The following RPTOR variants were observed in gnomAD, a reference collection of about 807,000 sequenced individuals.
The protein encoded by RPTOR is regulatory associated protein of MTOR complex 1.
RPTOR carries 21 observed loss-of-function variants against 169.9 expected under a neutral mutation model. The observed-to-expected ratio is 0.12, with a 90% CI of 0.09 to 0.18. The LOEUF is 0.18. Among genes scored for constraint, RPTOR ranks in the 10% least tolerant of loss-of-function variants. RPTOR has a pLI of 1.00. For synonymous variants in RPTOR, 732 were observed against 753.2 expected (o/e 0.97, Z 0.46); for missense variants, 1,133 against 1,855.9 (o/e 0.61, Z 7.16).
At chr17:80,847,992 C>T (rs554485988) in intron 11 of RPTOR, among the ~76,000 whole-genome samples, 2 of 152,380 alleles carry the variant, frequency 1.3e-5, no homozygotes, top group South Asian at 2.1e-4. Flanking sequence ...CAGCCAGCGT[C>T]GCAGGCGTGC....
Position 80,962,743 on chromosome 17 carries a change from A to G in RPTOR, c.3809+166A>G, listed in dbSNP as rs139842147. The stretch of plus-strand genomic sequence containing the variant: ...AGATGTCTGCCCACCACATCCTCCC[A>G]GGATAAACTCTCAGGGCCCTGCCAG... On this transcript the variant is annotated intron_variant, in intron 32 of 33. Coordinates refer to ENST00000306801, the MANE Select transcript of RPTOR (RefSeq NM_020761.3). Among the ~76,000 whole-genome samples the G allele has an allele frequency of 2.3e-3, 344 of 152,352 alleles. 2 individuals carry two copies. The highest frequency in any genetic ancestry group is 7.6e-3 in the African/African-American group (318 of 41,580).
chr17:80,951,334 A>G (rs1000597882), intron 28 of RPTOR, among the ~76,000 whole-genome samples: 4 of 152,186 alleles, frequency 2.6e-5, no homozygotes, highest in African/African-American at 4.8e-5. Context: ...CCCAGCTTAC[A>G]TATCAGGAAG....
rs188928349 is a variant in RPTOR, at chr17:80,551,484, A to G, written c.162+5693A>G. Among the ~76,000 whole-genome samples the G allele has an allele frequency of 8.0e-3, 1,223 of 152,240 alleles. 24 individuals are homozygous for G. The highest frequency in any genetic ancestry group is 0.028 in the African/African-American group (1,160 of 41,534). ...CAAACACGTGAACAAGGGTCTTTGC[A>G]TCATAGACAAGGTAAAGGATTAAGT... On this transcript the variant is annotated intron_variant, in intron 1 of 33. Transcript: ENST00000306801.
intron 1 of RPTOR, among the ~76,000 whole-genome samples, chr17:80,611,025 T>C (rs1239208985): frequency 1.3e-5 from 2 of 152,176 alleles, no homozygotes; most frequent in African/African-American, 4.8e-5. Flanking sequence ...TTTCAAGCAA[T>C]AGATTGCATT....
intron 4 of RPTOR, among the ~76,000 whole-genome samples, chr17:80,710,775 A>T (rs367609710): frequency 6.6e-6 from 1 of 152,170 alleles, no homozygotes; most frequent in Non-Finnish European, 1.5e-5. Context: ...TTTGTTTCAT[A>T]TATTAAATCT....
chr17:80,945,647 T>C lies in RPTOR; in HGVS notation c.3026-20T>C. The C allele has an allele frequency of 1.4e-6, 2 of 1,479,296 alleles. No homozygotes were observed. Among genetic ancestry groups the C allele is most frequent in the Non-Finnish European group, 9.4e-7 (1 of 1,063,766 alleles). The allele number at this position is 1,479,296 out of a possible 1,614,324, so 91.6% of individuals were successfully genotyped here. ...AAGATGCTGGCTCCTGGATCCACTC[T>C]TGTGTGTTTCTTTTGACAGGCATTA... On this transcript the variant is annotated intron_variant, in intron 25 of 33. Coordinates refer to ENST00000306801, the MANE Select transcript of RPTOR (RefSeq NM_020761.3).
chr17:80,775,263 T>C (rs1345511900), intron 6 of RPTOR, among the ~76,000 whole-genome samples: 2 of 152,222 alleles, frequency 1.3e-5, no homozygotes, highest in African/African-American at 2.4e-5. Flanking sequence ...CCCTTTGACT[T>C]GTTCTTAGTC....
intron 5 of RPTOR, among the ~76,000 whole-genome samples, chr17:80,734,703 G>C (rs1188197378): frequency 6.6e-6 from 1 of 152,104 alleles, no homozygotes; most frequent in East Asian, 1.9e-4. Context: ...ATGGGGAAGG[G>C]GCAGTGCTGG....
rs12949248 is a variant in RPTOR at position 80,585,202 on chromosome 17, A to T, written c.162+39411A>T. ...TATTATTATTATTATTATTATTATT[A>T]TTTTTGTTTTTTTTTTTCCTGAGAT... On this transcript the variant is annotated intron_variant, in intron 1 of 33. Coordinates refer to ENST00000306801, the MANE Select transcript of RPTOR (RefSeq NM_020761.3). 1.4e-3 allele frequency among the ~76,000 whole-genome samples: 90 copies of T among 62,348 alleles called. 1 individual carries two copies. The highest frequency in any genetic ancestry group is 5.8e-3 in the African/African-American group (83 of 14,228). The allele number at this position is 62,348 out of a possible 152,430, so 40.9% of individuals were successfully genotyped here.
At chr17:80,789,159 C>T (rs939159203) in intron 6 of RPTOR, among the ~76,000 whole-genome samples, 1 of 152,092 alleles carries the variant, frequency 6.6e-6, no homozygotes, top group Non-Finnish European at 1.5e-5. Context: ...ATGTGTAAGT[C>T]TCTGTGTACT....
chr17:80,682,158 C>G (rs975120578), intron 3 of RPTOR, among the ~76,000 whole-genome samples: 1 of 138,370 alleles, frequency 7.2e-6, no homozygotes, highest in African/African-American at 2.6e-5. Flanking sequence ...GGCTGGAGTA[C>G]AGTGGTGCAA....
chr17:80,695,002 G>A lies in RPTOR; in HGVS notation c.349-12839G>A, dbSNP rs543536121. ...TCTGGGCCTCCGTGGGTGTCATCAG[G>A]GTAGTGAGCAGGAAGCCTGGGGGCT... On this transcript the variant is annotated intron_variant, in intron 3 of 33. Transcript: ENST00000306801. This position sits in a 1 kb window ranked among gnomAD's most constrained non-coding sequence, Gnocchi z 4.9. Among the ~76,000 whole-genome samples the A allele has an allele frequency of 9.2e-5, 14 of 152,298 alleles. No homozygotes were observed. In the South Asian group the frequency reaches 2.9e-3, roughly 32 times the overall value.
intron 3 of RPTOR, among the ~76,000 whole-genome samples, chr17:80,685,527 G>A (rs2065933281): frequency 7.0e-6 from 1 of 143,088 alleles, no homozygotes; most frequent in Non-Finnish European, 1.5e-5. Context: ...TCCATCCTTG[G>A]CCTCCCAAAG....
intron 3 of RPTOR, among the ~76,000 whole-genome samples, chr17:80,667,260 G>A (rs1009683428): frequency 4.6e-5 from 7 of 152,150 alleles, no homozygotes; most frequent in African/African-American, 1.4e-4. Flanking sequence ...GGGGACAGCC[G>A]GGGGAAGCTC....
chr17:80,906,205 C>T (rs1036232473), intron 20 of RPTOR, among the ~76,000 whole-genome samples: 3 of 151,904 alleles, frequency 2.0e-5, no homozygotes, highest in African/African-American at 7.3e-5. Context: ...AGCCCACCCA[C>T]CCACTCTAAA....
chr17:80,615,733 C>T (rs532681319), intron 1 of RPTOR, among the ~76,000 whole-genome samples: 1 of 152,274 alleles, frequency 6.6e-6, no homozygotes, highest in South Asian at 2.1e-4. Flanking sequence ...ACCGTGACAG[C>T]TTCCTGGCTA....
At chr17:80,948,515 G>A (rs773005259) in intron 27 of RPTOR, 1 of 152,616 alleles carries the variant, frequency 6.6e-6, no homozygotes, top group South Asian at 2.1e-4. Context: ...AGAGGGAGAG[G>A]GCAGTTCCTT....
At chr17:80,571,687 AT>A (rs1415084255) in intron 1 of RPTOR, among the ~76,000 whole-genome samples, 2 of 151,858 alleles carry the variant, frequency 1.3e-5, no homozygotes, top group Non-Finnish European at 2.9e-5. Flanking sequence ...CACCAAGCTA[AT>A]TTTTGCATTT....
rs188225020 is a variant in RPTOR at position 80,904,954 on chromosome 17, G to A, written c.2402-3857G>A. Among the ~76,000 whole-genome samples, 761 of 152,108 alleles carry A rather than the reference G, an allele frequency of 5.0e-3. 4 individuals carry two copies. The highest frequency in any genetic ancestry group is 0.01 in the Middle Eastern group (3 of 294). ...CCTGTTGAGTCGCAAACAGTATTTC[G>A]ACTTTGATATAAGTGGAAGTCTGCA... On this transcript the variant is annotated intron_variant, in intron 20 of 33. Transcript: ENST00000306801.
Sources: allele counts gnomAD v4.1 joint callset (sites outside exome capture counted in the v4.1 genomes callset), GRCh38; gene constraint gnomAD v4.1.1; non-coding constraint Gnocchi (gnomAD v3.1); transcripts MANE v1.5; gene names NCBI Gene and HGNC (gene_info 2026-07-23, HGNC 2026-07-21).